PWWP2A: variants seen among roughly 807,000 people sequenced by gnomAD.
PWWP2A encodes the protein PWWP domain containing 2A.
PWWP2A carries 18 observed loss-of-function variants against 48.5 expected under a neutral mutation model. The ratio of observed to expected loss-of-function variants is 0.37; its 90% confidence interval spans 0.26 to 0.55. The LOEUF is 0.55. Among genes scored for constraint, PWWP2A ranks in the 20% least tolerant of loss-of-function variants. The pLI, the probability that PWWP2A is intolerant of heterozygous loss-of-function variation, is 0.81. For missense variants in PWWP2A, 867 were observed against 976.4 expected (o/e 0.89, Z 1.49); for synonymous variants, 396 against 387.7 (o/e 1.02, Z -0.25).
the PWWP2A span, among the ~76,000 whole-genome samples, chr5:160,048,621 G>A: frequency 6.6e-6 from 1 of 152,312 alleles, no homozygotes; most frequent in South Asian, 2.1e-4. Context: ...TAGTTTGAGG[G>A]TTGAAGGAAC....
chr5:160,072,307 T>C (rs1270986277), downstream of PWWP2A, among the ~76,000 whole-genome samples: 3 of 152,146 alleles, frequency 2.0e-5, no homozygotes, highest in East Asian at 1.9e-4. Context: ...ATTGGAATGA[T>C]AGAAGATTAG....
At chr5:160,101,578 C>G (rs1052940520) in intron 1 of PWWP2A, among the ~76,000 whole-genome samples, 1 of 151,780 alleles carries the variant, frequency 6.6e-6, no homozygotes, top group Non-Finnish European at 1.5e-5. Flanking sequence ...GAAAAACTTC[C>G]GGAGATCTGT....
intron 1 of PWWP2A, among the ~76,000 whole-genome samples, chr5:160,103,206 G>A (rs1756494544): frequency 6.6e-6 from 1 of 152,162 alleles, no homozygotes; most frequent in African/African-American, 2.4e-5. Context: ...TCTCTGCTAT[G>A]TTTCAAACTA....
In PWWP2A at chr5:160,094,058, G is replaced by A; in HGVS notation, c.592C>T (p.Pro198Ser). The change falls in exon 2 of 2, where the codon CCC becomes TCC. Residue 198 changes from proline (P) to serine (S), a missense_variant. Pro to Ser is a moderately conservative substitution (Grantham distance 74). This residue lies in a region of PWWP2A where 385 missense variants were observed against 396.9 expected (regional missense o/e 0.97). Transcript: ENST00000307063. ...AATACTGTCACAGGGATACCATGGG[G>A]CCCAAACCTTTGAAAGAAATGGAAG... ...VLMDLSKRFG[P>S]HGIPVTVFPK... 6.3e-7 allele frequency: 1 copy of A among 1,586,208 alleles called. No homozygotes were observed. Among genetic ancestry groups the A allele is most frequent in the South Asian group, 1.1e-5 (1 of 88,528 alleles).
Position 160,093,436 on chromosome 5 carries a change from G to A in PWWP2A, c.1214C>T (p.Ala405Val). ...ACTTAACTGAGCTTTTGATGTATTT[G>A]CCTGAGCAGAAACTTTTACTACTCT... ...RGRVVKVSAQ[A>V]NTSKAQLSTK... The change falls in exon 2 of 2, where the codon GCA becomes GTA. Residue 405 changes from alanine (A) to valine (V), a missense_variant. By Grantham distance (64) the Ala-to-Val change is moderately conservative. This residue lies in a region of PWWP2A where 382 missense variants were observed against 407.2 expected (regional missense o/e 0.94). Coordinates refer to ENST00000307063, the MANE Select transcript of PWWP2A (RefSeq NM_001130864.2). This position sits in a 1 kb window ranked among gnomAD's most constrained non-coding sequence, Gnocchi z 5.8. 6.2e-7 allele frequency: 1 copy of A among 1,613,496 alleles called. No homozygotes were observed. The highest frequency in any genetic ancestry group is 8.5e-7 in the Non-Finnish European group (1 of 1,179,784).
chr5:160,117,881 G>T (rs1443954408), intron 1 of PWWP2A: 65 of 984,764 alleles, frequency 6.6e-5, no homozygotes, highest in Non-Finnish European at 7.4e-5. Context: ...GCTGTTGCAG[G>T]AAACAGAATG....
At chr5:160,061,570 T>A (rs934945493), downstream of PWWP2A, among the ~76,000 whole-genome samples, 3 of 152,230 alleles carry the variant, frequency 2.0e-5, no homozygotes, top group Admixed American at 2.0e-4. Flanking sequence ...ACGCAGAGAC[T>A]ATTTATTTGT....
intron 1 of PWWP2A, among the ~76,000 whole-genome samples, chr5:160,103,523 C>T (rs1368736264): frequency 6.6e-6 from 1 of 152,074 alleles, no homozygotes; most frequent in African/African-American, 2.4e-5. Flanking sequence ...CCAGTCAATG[C>T]CAAATGAGGT....
intron 1 of PWWP2A, among the ~76,000 whole-genome samples, chr5:160,111,052 G>A (rs2431584): frequency 0.59 from 89,078 of 151,436 alleles, 26,240 homozygotes; most frequent in East Asian, 0.62. Context: ...GGGTGCAGTG[G>A]CTCATGCCTG....
intron 2 of PWWP2A, among the ~76,000 whole-genome samples, chr5:160,085,848 T>C (rs1158342221): frequency 1.3e-5 from 2 of 150,324 alleles, no homozygotes; most frequent in African/African-American, 4.9e-5. Flanking sequence ...AGATGGAGTC[T>C]CACTCTGTCA....
intron 5 of PWWP2A, among the ~76,000 whole-genome samples, chr5:160,062,362 G>A (rs188090358): frequency 8.5e-5 from 13 of 152,248 alleles, no homozygotes; most frequent in Non-Finnish European, 1.5e-4. Flanking sequence ...TCTGGAGCAC[G>A]GTGACATGCC....
rs1755172266 is a variant in PWWP2A, at chr5:160,092,397, T to C, written c.2253A>G (p.Thr751=). ...QLTPEVRALL[T]QFET is the part of the protein sequence containing the mutation. ...CTGCCCATGTTCACGTTTCAAACTG[T>C]GTCAACAAAGCCCGCACTTCGGGGG... is the stretch of plus-strand genomic sequence containing the variant. The change falls in exon 2 of 2, where the codon ACA becomes ACG. Residue 751 remains threonine, a synonymous_variant. Coordinates refer to ENST00000307063, the MANE Select transcript of PWWP2A (RefSeq NM_001130864.2). The C allele has an allele frequency of 6.5e-7, 1 of 1,544,118 alleles. No homozygotes were observed. Among genetic ancestry groups the C allele is most frequent in the Admixed American group, 2.1e-5 (1 of 48,470 alleles).
chr5:160,080,843 A>C, intron 2 of PWWP2A: 1 of 1,396,414 alleles, frequency 7.2e-7, no homozygotes, highest in Non-Finnish European at 9.6e-7. Context: ...TACCAAAAAA[A>C]TAGTTTTAAA....
intron 1 of PWWP2A, among the ~76,000 whole-genome samples, chr5:160,103,791 T>C (rs1175573856): frequency 6.6e-6 from 1 of 151,856 alleles, no homozygotes; most frequent in African/African-American, 2.4e-5. Context: ...GGGCTGCCAG[T>C]TTAAGAGTAT....
chr5:160,114,698 G>A (rs1757925365), intron 1 of PWWP2A, among the ~76,000 whole-genome samples: 1 of 151,106 alleles, frequency 6.6e-6, no homozygotes, highest in Non-Finnish European at 1.5e-5. Flanking sequence ...AGGAGGCCGA[G>A]GTTGCAGTGA....
chr5:160,114,919 G>A (rs1022132522), intron 1 of PWWP2A, among the ~76,000 whole-genome samples: 12 of 151,672 alleles, frequency 7.9e-5, no homozygotes, highest in Non-Finnish European at 4.4e-5. Context: ...GGCGGATCAC[G>A]AAGTCAGGAG....
At chr5:160,065,938 G>C (rs1753594409) in intron 4 of PWWP2A, among the ~76,000 whole-genome samples, 1 of 152,176 alleles carries the variant, frequency 6.6e-6, no homozygotes, top group Non-Finnish European at 1.5e-5. Context: ...ATCAGTTGAT[G>C]CTAGTGAGAA....
At chr5:160,111,999 CACCTGT>C (rs1338644367) in intron 1 of PWWP2A, among the ~76,000 whole-genome samples, 1 of 151,736 alleles carries the variant, frequency 6.6e-6, no homozygotes, top group Non-Finnish European at 1.5e-5. Flanking sequence ...TGGTGGCATG[CACCTGT>C]AGCTGCAGCT....
intron 2 of PWWP2A, among the ~76,000 whole-genome samples, chr5:160,084,962 C>A (rs1754512934): frequency 6.6e-6 from 1 of 151,544 alleles, no homozygotes; most frequent in Non-Finnish European, 1.5e-5. Context: ...TACAAAATTA[C>A]CTTAAATAGT....
Sources: allele counts gnomAD v4.1 joint callset (sites outside exome capture counted in the v4.1 genomes callset), GRCh38; gene constraint gnomAD v4.1.1; regional missense constraint gnomAD v4.1.1; non-coding constraint Gnocchi (gnomAD v3.1); transcripts MANE v1.5; gene names NCBI Gene and HGNC (gene_info 2026-07-23, HGNC 2026-07-21).